Variants in STK39 observed in about 807,000 individuals in gnomAD.
The protein encoded by STK39 is STE20/SPS1-related proline-alanine-rich protein kinase.
A neutral mutation model predicts 77.8 loss-of-function variants in STK39; 20 were observed. That is an observed-to-expected ratio of 0.26 (90% CI 0.18 to 0.37). STK39 has a LOEUF of 0.37. Among genes scored for constraint, STK39 ranks in the 10% least tolerant of loss-of-function variants. The pLI, the probability that STK39 is intolerant of heterozygous loss-of-function variation, is 1.00. For missense variants in STK39, 479 were observed against 656.5 expected (o/e 0.73, Z 2.95); for synonymous variants, 246 against 234.1 (o/e 1.05, Z -0.47).
chr2:168,175,324 C>G (rs925495302), intron 2 of STK39, among the ~76,000 whole-genome samples: 1 of 152,058 alleles, frequency 6.6e-6, no homozygotes, highest in African/African-American at 2.4e-5. Flanking sequence ...CCCATTTTCT[C>G]CTACTCTGAA....
intron 1 of STK39, among the ~76,000 whole-genome samples, chr2:168,215,014 C>A (rs2105705694): frequency 6.6e-6 from 1 of 152,300 alleles, no homozygotes; most frequent in Admixed American, 6.5e-5. Flanking sequence ...TTTTACAGCT[C>A]TAGGGATGTA....
At position 168,070,601 on chromosome 2, in the gene STK39, C is replaced by T. The variant is rs149167326; in HGVS notation, c.1242+4381G>A. Among the ~76,000 whole-genome samples the T allele has an allele frequency of 1.9e-3, 264 of 137,028 alleles. 9 individuals carry two copies. In the East Asian group the frequency reaches 0.045, roughly 24 times the overall value. The allele number at this position is 137,028 out of a possible 152,430, so 89.9% of individuals were successfully genotyped here. On this transcript the variant is annotated intron_variant, in intron 12 of 17. Coordinates refer to ENST00000355999, the MANE Select transcript of STK39 (RefSeq NM_013233.3). ...CTAATGCTATCCCTCCCCCCTCCCCCAACTCCATGACAGGCCCCAGTGTGT... is the reference window on the plus strand; with the variant it reads ...CTAATGCTATCCCTCCCCCCTCCCCTAACTCCATGACAGGCCCCAGTGTGT...
In STK39 at chr2:167,955,560, C is replaced by A. The variant is rs541206860; in HGVS notation, c.1574G>T (p.Cys525Phe). The A allele has an allele frequency of 1.9e-6, 3 of 1,613,670 alleles. No individual in the cohort carries two copies. The highest frequency in any genetic ancestry group is 2.2e-5 in the East Asian group (1 of 44,856). ...TTCATCAGGAATCTCCGACCCATCA[C>A]AGCCAGAAGCCTGAAAAGGGAAAAA... ...KTLTFKLASG[C>F]DGSEIPDEVK... Residue 525 changes from cysteine (C) to phenylalanine (F), a missense_variant, in exon 18 of 18, where the codon TGT becomes TTT. By Grantham distance (205) the Cys-to-Phe change is radical. Transcript: ENST00000355999.
intron 14 of STK39, among the ~76,000 whole-genome samples, chr2:168,019,355 T>C (rs1484980019): frequency 6.6e-6 from 1 of 152,234 alleles, no homozygotes. Context: ...ATTTTATTAT[T>C]AGTTCTTGTT....
chr2:168,048,415 C>T (rs966336563), intron 14 of STK39, among the ~76,000 whole-genome samples: 7 of 151,998 alleles, frequency 4.6e-5, no homozygotes, highest in Non-Finnish European at 8.8e-5. Flanking sequence ...GGTTTCACCA[C>T]GTTAGCCAGG....
rs532214337 is a variant in STK39, at chr2:168,191,465, G to A, written c.209-9375C>T. 3.9e-5 allele frequency among the ~76,000 whole-genome samples: 6 copies of A among 152,300 alleles called. 2 individuals carry two copies. The highest frequency in any genetic ancestry group is 1.4e-4 in the African/African-American group (6 of 41,564). ...GAGTCAAGAAATAACCCCATGGGAA[G>A]GCCCTGGATTTGGGCAGATTTTTTC... On this transcript the variant is annotated intron_variant, in intron 1 of 17. Transcript: ENST00000355999.
At chr2:168,067,270 T>C (rs985332070) in intron 12 of STK39, among the ~76,000 whole-genome samples, 1 of 152,208 alleles carries the variant, frequency 6.6e-6, no homozygotes, top group African/African-American at 2.4e-5. Flanking sequence ...TGGAGCCTGA[T>C]GGCACATGTT....
rs372477217 is a variant in STK39 at position 168,065,551 on chromosome 2, T to C, written c.1243-170A>G. On this transcript the variant is annotated intron_variant, in intron 12 of 17. Coordinates refer to ENST00000355999, the MANE Select transcript of STK39 (RefSeq NM_013233.3). ...CTGTGTTGGAATCACCTAGGACAAG[T>C]GTTAAAGACCCCTAGGCCCCTCCTG... Among the ~76,000 whole-genome samples, 4 of 152,270 alleles carry C rather than the reference T, an allele frequency of 2.6e-5. No homozygotes were observed. In the East Asian group the frequency reaches 5.8e-4, roughly 22 times the overall value.
intron 10 of STK39, among the ~76,000 whole-genome samples, chr2:168,091,303 A>G (rs566765008): frequency 4.6e-5 from 7 of 152,202 alleles, no homozygotes; most frequent in Non-Finnish European, 1.0e-4. Flanking sequence ...ATGCAGAAAC[A>G]TGCCTCACAT....
chr2:168,172,826 C>G (rs1350398427), intron 2 of STK39, among the ~76,000 whole-genome samples: 1 of 152,190 alleles, frequency 6.6e-6, no homozygotes, highest in Non-Finnish European at 1.5e-5. Flanking sequence ...ATCAAACTTA[C>G]TCAAGCTCCA....
chr2:168,176,327 GA>G (rs59510633), intron 2 of STK39, among the ~76,000 whole-genome samples: 14,418 of 148,502 alleles, frequency 0.097, 1,311 homozygotes, highest in East Asian at 0.32. Flanking sequence ...AAAAGGAAGA[GA>G]AAAAAAAAAC....
intron 16 of STK39, among the ~76,000 whole-genome samples, chr2:167,988,771 C>T (rs1248686598): frequency 6.6e-6 from 1 of 152,024 alleles, no homozygotes; most frequent in Non-Finnish European, 1.5e-5. Flanking sequence ...ACAGTTAAAC[C>T]ACCTTTAAAA....
chr2:168,151,477 C>T (rs1254194899), intron 5 of STK39, among the ~76,000 whole-genome samples: 4 of 152,118 alleles, frequency 2.6e-5, no homozygotes, highest in African/African-American at 7.2e-5. Flanking sequence ...TGGCTCACTC[C>T]TGTAATCCCA....
chr2:168,157,831 C>T (rs1322311434), intron 5 of STK39, among the ~76,000 whole-genome samples: 1 of 152,116 alleles, frequency 6.6e-6, no homozygotes, highest in African/African-American at 2.4e-5. Flanking sequence ...ATGAGATCTA[C>T]CTTACATAAT....
chr2:168,154,245 T>G (rs1467923564), intron 5 of STK39, among the ~76,000 whole-genome samples: 3 of 152,200 alleles, frequency 2.0e-5, no homozygotes, highest in African/African-American at 7.2e-5. Context: ...AGAAGCACAG[T>G]TCAGGAGCAC....
chr2:168,223,085 C>A (rs542842272), intron 1 of STK39, among the ~76,000 whole-genome samples: 1 of 152,316 alleles, frequency 6.6e-6, no homozygotes, highest in East Asian at 1.9e-4. Context: ...ACAAAACACA[C>A]TGAGCCAAGT....
chr2:168,200,684 A>AAAAAT lies in STK39; in HGVS notation c.209-18599_209-18595dup, dbSNP rs57515359. Reference sequence around the variant, plus strand: ...AGAGCAAGACTCTGTCTCAAAACATAAAAATAAAATAAAATAAAATAAAAT... The same window carrying AAAAAT: ...AGAGCAAGACTCTGTCTCAAAACATAAAAATAAAATAAAATAAAATAAAATAAAAT... On this transcript the variant is annotated intron_variant, in intron 1 of 17. Transcript: ENST00000355999. 5.0e-3 allele frequency among the ~76,000 whole-genome samples: 745 copies of AAAAAT among 150,170 alleles called. 5 individuals carry two copies. The highest frequency in any genetic ancestry group is 0.017 in the African/African-American group (703 of 40,662).
chr2:168,115,773 G>C (rs980862711), intron 10 of STK39, among the ~76,000 whole-genome samples: 13 of 152,202 alleles, frequency 8.5e-5, no homozygotes, highest in Admixed American at 4.6e-4. Context: ...GGTCTGCTCA[G>C]GATGAGAAGA....
At chr2:168,072,705 T>C (rs999506795) in intron 12 of STK39, among the ~76,000 whole-genome samples, 4 of 152,224 alleles carry the variant, frequency 2.6e-5, no homozygotes, top group Admixed American at 2.6e-4. Context: ...ATTTCCTTTA[T>C]AATAGATAAA....
Sources: gnomAD v4.1 joint callset for allele counts (sites outside exome capture counted in the v4.1 genomes callset) on GRCh38, gnomAD v4.1.1 for gene constraint, MANE v1.5 for transcripts, NCBI Gene and HGNC (gene_info 2026-07-23, HGNC 2026-07-21) for gene names.